MAP4: variants seen among roughly 807,000 people sequenced by gnomAD.
MAP4 encodes microtubule-associated protein 4.
In MAP4, 76 loss-of-function variants were observed where a neutral mutation model predicts 170.2. The observed-to-expected ratio is 0.45, with a 90% CI of 0.37 to 0.54. MAP4 has a LOEUF of 0.54. Ranked by LOEUF, MAP4 falls within the 20% of genes least tolerant of loss-of-function variation. MAP4 has a pLI of 0.00. For synonymous variants in MAP4, 909 were observed against 994.5 expected, an observed-to-expected ratio of 0.91 and a Z score of 1.62; for missense variants, 2,506 against 2,748.0, an observed-to-expected ratio of 0.91 and a Z score of 1.97.
At chr3:47,912,555 C>A in intron 8 of MAP4, 134 bp from the exon 9 acceptor site, 1 of 646,590 alleles carries the variant, frequency 1.5e-6, no homozygotes, top group Admixed American at 3.6e-5. Context: ...ATAGTACTTA[C>A]TGTAATTTGC....
chr3:48,067,843 T>C (rs976857458), intron 1 of MAP4, among the ~76,000 whole-genome samples: 7 of 152,160 alleles, frequency 4.6e-5, no homozygotes, highest in Non-Finnish European at 1.0e-4. Context: ...TTTTGCCCTG[T>C]TGGCAAGGCT....
rs960028626 is a variant in MAP4, at chr3:47,852,774, G to A, written c.*160C>T. On this transcript the variant is annotated 3_prime_UTR_variant, in exon 21 of 21. Transcript: ENST00000683076. ...AGCCTAGCGGGCTGCCCAGCACGGC[G>A]CCCAAGCGCTCACTGGTCTAGTGGA... is the stretch of plus-strand genomic sequence containing the variant. The A allele has an allele frequency of 1.2e-5, 19 of 1,546,076 alleles. No homozygotes were observed. The highest frequency in any genetic ancestry group is 2.1e-4 in the Middle Eastern group (1 of 4,774).
chr3:47,960,012 A>C (rs1304770623), intron 3 of MAP4, among the ~76,000 whole-genome samples: 1 of 151,842 alleles, frequency 6.6e-6, no homozygotes, highest in Non-Finnish European at 1.5e-5. Flanking sequence ...ACAGGCACTC[A>C]CCACCATGCC....
At chr3:47,984,122 T>A (rs1392155579) in intron 2 of MAP4, among the ~76,000 whole-genome samples, 1 of 152,198 alleles carries the variant, frequency 6.6e-6, no homozygotes, top group African/African-American at 2.4e-5. Context: ...TGCCTCAGCC[T>A]CCTGAGTAGT....
intron 2 of MAP4, among the ~76,000 whole-genome samples, chr3:47,982,469 C>T (rs1020463615): frequency 3.9e-5 from 6 of 152,080 alleles, no homozygotes; most frequent in Admixed American, 2.6e-4. Flanking sequence ...AACCAAAATG[C>T]TATATATTTA....
At chr3:47,987,275 A>T (rs552272699) in intron 2 of MAP4, 408 of 736,526 alleles carry the variant, frequency 5.5e-4, no homozygotes, top group Non-Finnish European at 7.3e-4. Context: ...ACAAAATATT[A>T]TTCCTGTGCT....
chr3:47,935,466 T>C (rs1289395805), intron 3 of MAP4, among the ~76,000 whole-genome samples: 1 of 152,166 alleles, frequency 6.6e-6, no homozygotes, highest in Non-Finnish European at 1.5e-5. Flanking sequence ...AACTTAAGAT[T>C]TGTCTGCCTG....
At chr3:48,035,101 T>C (rs2100118102) in intron 1 of MAP4, among the ~76,000 whole-genome samples, 1 of 149,972 alleles carries the variant, frequency 6.7e-6, no homozygotes, top group African/African-American at 2.5e-5. Context: ...AATTGTTTAA[T>C]GCAAGAAAAA....
intron 1 of MAP4, among the ~76,000 whole-genome samples, chr3:48,087,148 T>C (rs1200639605): frequency 6.6e-6 from 1 of 152,194 alleles, no homozygotes; most frequent in East Asian, 1.9e-4. Context: ...AACATTTCAT[T>C]TGAAAAGTAG....
intron 3 of MAP4, among the ~76,000 whole-genome samples, chr3:47,934,116 A>C (rs1051474689): frequency 1.3e-5 from 2 of 152,156 alleles, no homozygotes; most frequent in Non-Finnish European, 2.9e-5. Context: ...GAAGCAACAG[A>C]CTCAGGCACT....
At chr3:48,071,377 A>C (rs907577365) in intron 1 of MAP4, among the ~76,000 whole-genome samples, 9 of 151,822 alleles carry the variant, frequency 5.9e-5, no homozygotes, top group Non-Finnish European at 1.2e-4. Context: ...CCCTGTCTCT[A>C]CAAAAAAAAT....
At chr3:48,005,498 C>T (rs1426343472) in intron 1 of MAP4, among the ~76,000 whole-genome samples, 1 of 152,130 alleles carries the variant, frequency 6.6e-6, no homozygotes, top group Non-Finnish European at 1.5e-5. Flanking sequence ...TTTGGGCCCA[C>T]TAAGTAGGGA....
At chr3:48,069,111 A>C (rs956145596) in intron 1 of MAP4, among the ~76,000 whole-genome samples, 3 of 152,190 alleles carry the variant, frequency 2.0e-5, no homozygotes, top group African/African-American at 7.2e-5. Context: ...CCTTAGGAGA[A>C]GGCAGAATTA....
chr3:48,068,762 C>G (rs1284201249), intron 1 of MAP4, among the ~76,000 whole-genome samples: 1 of 152,166 alleles, frequency 6.6e-6, no homozygotes, highest in Non-Finnish European at 1.5e-5. Flanking sequence ...CCAGCCTGGG[C>G]AACAGAGCGT....
chr3:47,866,726 C>T (rs1490735591), intron 17 of MAP4, among the ~76,000 whole-genome samples: 1 of 152,120 alleles, frequency 6.6e-6, no homozygotes, highest in Non-Finnish European at 1.5e-5. Context: ...TGCACTCTAG[C>T]TTGGGCAACA....
intron 2 of MAP4, among the ~76,000 whole-genome samples, chr3:47,992,342 TTTAAG>T (rs1170084888): frequency 6.6e-6 from 1 of 152,202 alleles, no homozygotes; most frequent in African/African-American, 2.4e-5. Flanking sequence ...CACCCCTTCC[TTTAAG>T]TTAAGACTTC....
At chr3:47,994,598 G>A (rs1475481222) in intron 2 of MAP4, among the ~76,000 whole-genome samples, 5 of 152,258 alleles carry the variant, frequency 3.3e-5, no homozygotes, top group South Asian at 4.2e-4. Context: ...CATTAACTTG[G>A]CCCAAGAGGA....
intron 1 of MAP4, among the ~76,000 whole-genome samples, chr3:48,054,516 G>C (rs192055854): frequency 6.7e-6 from 1 of 149,704 alleles, no homozygotes; most frequent in East Asian, 2.0e-4. Flanking sequence ...TGTAATCCTA[G>C]CTACTCAGGA....
chr3:47,921,734 T>C (rs753037376), intron 5 of MAP4, 31 bp downstream of exon 5: 5 of 1,382,916 alleles, frequency 3.6e-6, no homozygotes, highest in Admixed American at 1.7e-5. Context: ...TTTCCTTCCC[T>C]ACAGAATAAA....
Sources: allele counts gnomAD v4.1 joint callset (sites outside exome capture counted in the v4.1 genomes callset), GRCh38; gene constraint gnomAD v4.1.1; transcripts MANE v1.5; gene names NCBI Gene and HGNC (gene_info 2026-07-23, HGNC 2026-07-21).